The following ANKRD46 variants were observed in gnomAD, a reference collection of about 807,000 sequenced individuals.
ANKRD46 encodes the protein ankyrin repeat domain 46, also known as ankyrin repeat domain-containing protein 46.
Under a neutral mutation model 19.8 loss-of-function variants are expected in ANKRD46, and 13 were observed. That is an observed-to-expected ratio of 0.66 (90% CI 0.43 to 1.04). The LOEUF (loss-of-function observed/expected upper bound fraction) is 1.04. Ranked by LOEUF, ANKRD46 falls within the 50% of genes least tolerant of loss-of-function variation. The probability of loss-of-function intolerance (pLI) is 0.00; values close to 1 mark genes in which losing one functional copy is unlikely to be tolerated. For synonymous variants in ANKRD46, 91 were observed against 106.9 expected, an observed-to-expected ratio of 0.85 and a Z score of 0.92; for missense variants, 185 against 274.8, an observed-to-expected ratio of 0.67 and a Z score of 2.31.
chr8:100,548,138 A>G (rs1436831611), intron 1 of ANKRD46, among the ~76,000 whole-genome samples: 3 of 152,150 alleles, frequency 2.0e-5, no homozygotes, highest in Non-Finnish European at 4.4e-5. Context: ...CAAAAACACA[A>G]ACCATTTCCT....
downstream of ANKRD46, among the ~76,000 whole-genome samples, chr8:100,517,218 C>T (rs562779463): frequency 5.9e-5 from 9 of 152,280 alleles, no homozygotes; most frequent in South Asian, 2.1e-4. Context: ...GAACTCAAGG[C>T]GGTTTCTACA....
intron 4 of ANKRD46, among the ~76,000 whole-genome samples, 165 bp from the exon 5 acceptor site, chr8:100,522,936 C>T (rs1811763656): frequency 6.7e-6 from 1 of 150,132 alleles, no homozygotes; most frequent in Admixed American, 6.6e-5. Context: ...TACATGCTTA[C>T]GTATCTGAAC....
rs1324812248 is a variant in ANKRD46, at chr8:100,527,862, T to C, written c.453A>G (p.Gln151=). ...TCCAGTACCTTTCACTCTCAGCTGT[T>C]TGCATGGTCTCCAGTTTCGAGTGGG... ...RGTHSKLETM[Q]TAESESAMES... is the part of the protein sequence containing the mutation. The change falls in exon 4 of 5, where the codon CAA becomes CAG. Residue 151 remains glutamine (Q), a synonymous_variant. Coordinates refer to ENST00000335659, the MANE Select transcript of ANKRD46 (RefSeq NM_001270377.2). This position sits in a 1 kb window ranked among gnomAD's most constrained non-coding sequence, Gnocchi z 4.0. 3 of 1,613,494 alleles carry C rather than the reference T, an allele frequency of 1.9e-6. No individual in the cohort carries two copies. The highest frequency in any genetic ancestry group is 2.2e-5 in the South Asian group (2 of 90,970).
rs1479850136 is a variant in ANKRD46, at chr8:100,550,806, T to A, written c.-131+8905A>T. 2.2e-6 allele frequency: 1 copy of A among 457,858 alleles called. No homozygotes were observed. The highest frequency in any genetic ancestry group is 5.3e-5 in the East Asian group (1 of 18,848). The allele number at this position is 457,858 out of a possible 1,614,324, so 28.4% of individuals were successfully genotyped here. On this transcript the variant is annotated intron_variant, in intron 1 of 4. Coordinates refer to ENST00000335659, the MANE Select transcript of ANKRD46 (RefSeq NM_001270377.2). The surrounding 1 kb of genome is among the most constrained non-coding windows in gnomAD (Gnocchi z 4.4). Reference sequence around the variant, plus strand: ...GTACGAGGAAATGAGCTTGACAAAGTGGTCACTGAGGGCAATGGCAGCCCC... The same window carrying A: ...GTACGAGGAAATGAGCTTGACAAAGAGGTCACTGAGGGCAATGGCAGCCCC...
chr8:100,526,374 A>G (rs1188033454), intron 4 of ANKRD46, among the ~76,000 whole-genome samples: 1 of 152,250 alleles, frequency 6.6e-6, no homozygotes, highest in Non-Finnish European at 1.5e-5. Context: ...TTCATGGTAA[A>G]GAAGCTTAAA....
chr8:100,513,091 C>T (rs1811573530), intron 5 of ANKRD46, among the ~76,000 whole-genome samples: 2 of 152,164 alleles, frequency 1.3e-5, no homozygotes, highest in African/African-American at 4.8e-5. Flanking sequence ...GTTATACTTC[C>T]TCAACATATC....
intron 1 of ANKRD46, among the ~76,000 whole-genome samples, chr8:100,555,487 A>T (rs1276951082): frequency 6.6e-6 from 1 of 151,474 alleles, no homozygotes; most frequent in Admixed American, 6.6e-5. Flanking sequence ...GGACTAAAAA[A>T]AAAAAGACTA....
downstream of ANKRD46, among the ~76,000 whole-genome samples, chr8:100,519,667 G>T (rs971973126): frequency 6.6e-6 from 1 of 152,206 alleles, no homozygotes; most frequent in Non-Finnish European, 1.5e-5. Context: ...AGCAGTGGCA[G>T]GTGAATATTG....
Position 100,520,792 on chromosome 8 carries a change from T to C in ANKRD46, c.*1763A>G, listed in dbSNP as rs1057179063. 1.3e-4 allele frequency: 122 copies of C among 963,826 alleles called. No homozygotes were observed. Among genetic ancestry groups the C allele is most frequent in the Non-Finnish European group, 1.5e-4 (121 of 814,996 alleles). 59.7% of individuals were successfully genotyped at this position (963,826 alleles called of 1,614,324 possible). A position where few individuals can be genotyped will look rare whatever the true frequency, so the allele number is the denominator to read the frequency against. ...CGTGATTAAGGGATATATAAATACA[T>C]TTATTGGTGGTATTCCTGAATGATG... On this transcript the variant is annotated 3_prime_UTR_variant, in exon 5 of 5. Coordinates refer to ENST00000335659, the MANE Select transcript of ANKRD46 (RefSeq NM_001270377.2).
At chr8:100,556,937 C>A (rs997303106) in intron 1 of ANKRD46, 5 of 152,164 alleles carry the variant, frequency 3.3e-5, no homozygotes, top group African/African-American at 7.2e-5. Context: ...TACACTAGAT[C>A]TCATAGGCTC....
At chr8:100,538,586 T>A (rs1252147244) in intron 1 of ANKRD46, among the ~76,000 whole-genome samples, 2 of 152,080 alleles carry the variant, frequency 1.3e-5, no homozygotes. Context: ...AAACAGGGGT[T>A]TGAAGAGGAT....
rs35216029 is a variant in ANKRD46, at chr8:100,514,617, C to CTTT, written c.637-3981_637-3979dup. Among the ~76,000 whole-genome samples, 95 of 74,034 alleles carry CTTT rather than the reference C, an allele frequency of 1.3e-3. 4 individuals are homozygous for CTTT. The highest frequency in any genetic ancestry group is 3.4e-3 in the East Asian group (10 of 2,908). 48.6% of individuals were successfully genotyped at this position (74,034 alleles called of 152,430 possible). ...TGAGTGTGGGTTATTCCTCCATCTT[C>CTTT]TTTTTTTTTTTTTTTTTTTTTTGAG... is the stretch of plus-strand genomic sequence containing the variant. On this transcript the variant is annotated intron_variant, in intron 5 of 5. Transcript: ENST00000520552.
chr8:100,550,284 T>C lies in ANKRD46; in HGVS notation c.-131+9427A>G, dbSNP rs1812357870. 6.6e-6 allele frequency among the ~76,000 whole-genome samples: 1 copy of C among 152,230 alleles called. No homozygotes were observed. Among genetic ancestry groups the C allele is most frequent in the Admixed American group, 6.5e-5 (1 of 15,278 alleles). On this transcript the variant is annotated intron_variant, in intron 1 of 4. Transcript: ENST00000335659. The surrounding 1 kb of genome is among the most constrained non-coding windows in gnomAD (Gnocchi z 4.4). ...TACCATTTGGCATTCCCACTAGCAA[T>C]GAATAAGAGTTCCTGTTAATCCACA...
rs370812398 is a variant in ANKRD46 at position 100,540,585 on chromosome 8, TTC to T, written c.-130-7276_-130-7275del. Among the ~76,000 whole-genome samples, 60 of 152,300 alleles carry T rather than the reference TTC, an allele frequency of 3.9e-4. 1 individual carries two copies. The East Asian group carries it at 0.01, about 25-fold the overall frequency. ...GGATAACAAGAAAACACCTAAATTT[TTC>T]TTTCTCCATCAGGAAATCAAAAAAC... On this transcript the variant is annotated intron_variant, in intron 1 of 4. Transcript: ENST00000335659.
rs527902844 is a variant in ANKRD46, at chr8:100,511,139, G to A, written c.637-500C>T. On this transcript the variant is annotated intron_variant, in intron 5 of 5. Coordinates refer to the ANKRD46 transcript ENST00000520552. The surrounding 1 kb of genome is among the most constrained non-coding windows in gnomAD (Gnocchi z 4.1). ...AACAGTGTTGAGCGGCTTACACATC[G>A]CAGCTGATCCCCTGGTTAGCATTAC... 9.2e-5 allele frequency among the ~76,000 whole-genome samples: 14 copies of A among 152,174 alleles called. No homozygotes were observed. The highest frequency in any genetic ancestry group is 2.1e-4 in the South Asian group (1 of 4,830).
At position 100,529,270 on chromosome 8, in the gene ANKRD46, T is replaced by A. The variant is rs578121700; in HGVS notation, c.311+253A>T. Among the ~76,000 whole-genome samples the A allele has an allele frequency of 6.6e-6, 1 of 152,380 alleles. No homozygotes were observed. The highest frequency in any genetic ancestry group is 2.1e-4 in the South Asian group (1 of 4,826). Reference sequence around the variant, plus strand: ...ATGTTCTTTTCTTCTTCTTCCCTTGTTGTAACACTACATAATTAGTAGCAG... The same window carrying A: ...ATGTTCTTTTCTTCTTCTTCCCTTGATGTAACACTACATAATTAGTAGCAG... On this transcript the variant is annotated intron_variant, in intron 3 of 4. Transcript: ENST00000335659. This position sits in a 1 kb window ranked among gnomAD's most constrained non-coding sequence, Gnocchi z 5.8.
At chr8:100,556,369 C>T (rs978140088) in intron 1 of ANKRD46, among the ~76,000 whole-genome samples, 26 of 152,204 alleles carry the variant, frequency 1.7e-4, no homozygotes, top group African/African-American at 4.6e-4. Flanking sequence ...AAAAAGGACA[C>T]GCTTTATTGG....
chr8:100,510,655 A>G lies in ANKRD46; in HGVS notation c.637-16T>C. 1 of 1,528,320 alleles carries G rather than the reference A, an allele frequency of 6.5e-7. No individual in the cohort carries two copies. The highest frequency in any genetic ancestry group is 1.2e-5 in the South Asian group (1 of 83,024). The allele number at this position is 1,528,320 out of a possible 1,614,324, so 94.7% of individuals were successfully genotyped here. A position where few individuals can be genotyped will look rare whatever the true frequency, so the allele number is the denominator to read the frequency against. ...GTGTCCTTCTCTGTAAATGTGGGGA[A>G]GACAGATTAAAAAAAAAAAAAAATC... On this transcript the variant is annotated splice_polypyrimidine_tract_variant and intron_variant, in intron 5 of 5. Transcript: ENST00000520552. This position sits in a 1 kb window ranked among gnomAD's most constrained non-coding sequence, Gnocchi z 4.9.
In ANKRD46 at chr8:100,510,132, T is replaced by A. The variant is rs1811527357; in HGVS notation, c.*445A>T. The stretch of plus-strand genomic sequence containing the variant: ...GCTTCTCGGAATTTTCCGAATGAAG[T>A]AACTTTTTTCCCCAGACCGTTTTCT... On this transcript the variant is annotated 3_prime_UTR_variant, in exon 6 of 6. Transcript: ENST00000520552. The surrounding 1 kb of genome is among the most constrained non-coding windows in gnomAD (Gnocchi z 4.9). 6.3e-6 allele frequency: 1 copy of A among 157,732 alleles called. No homozygotes were observed. Among genetic ancestry groups the A allele is most frequent in the Admixed American group, 6.5e-5 (1 of 15,474 alleles). 9.8% of individuals were successfully genotyped at this position (157,732 alleles called of 1,614,324 possible). A position where few individuals can be genotyped will look rare whatever the true frequency, so the allele number is the denominator to read the frequency against.
Sources: allele counts gnomAD v4.1 joint callset (sites outside exome capture counted in the v4.1 genomes callset), GRCh38; gene constraint gnomAD v4.1.1; non-coding constraint Gnocchi (gnomAD v3.1); transcripts MANE v1.5; gene names NCBI Gene and HGNC (gene_info 2026-07-23, HGNC 2026-07-21).